The following KCNQ5 variants were observed in gnomAD, a reference collection of about 807,000 sequenced individuals.
KCNQ5 encodes potassium voltage-gated channel subfamily Q member 5.
In KCNQ5, 30 loss-of-function variants were observed where a neutral mutation model predicts 98.2. The observed-to-expected ratio is 0.31, with a 90% confidence interval of 0.23 to 0.41. The LOEUF is 0.41. Among genes scored for constraint, KCNQ5 ranks in the 10% least tolerant of loss-of-function variants. The probability of loss-of-function intolerance (pLI) is 1.00; values close to 1 mark genes in which losing one functional copy is unlikely to be tolerated. For missense variants in KCNQ5, 835 were observed against 1,182.5 expected, an observed-to-expected ratio of 0.71 and a Z score of 4.31; for synonymous variants, 458 against 449.4, an observed-to-expected ratio of 1.02 and a Z score of -0.24.
At chr6:73,182,969 G>A (rs994500575) in intron 11 of KCNQ5, among the ~76,000 whole-genome samples, 3 of 152,132 alleles carry the variant, frequency 2.0e-5, no homozygotes, top group Non-Finnish European at 2.9e-5. Flanking sequence ...ATTAGCCATG[G>A]ACTGATTCCC....
chr6:72,943,013 C>T (rs1329427266), intron 1 of KCNQ5, among the ~76,000 whole-genome samples: 3 of 152,124 alleles, frequency 2.0e-5, no homozygotes, highest in African/African-American at 7.2e-5. Context: ...ATTTTTTTAT[C>T]CTTTTCATGA....
At chr6:72,744,214 G>T (rs957664568) in intron 1 of KCNQ5, among the ~76,000 whole-genome samples, 9 of 152,154 alleles carry the variant, frequency 5.9e-5, no homozygotes, top group African/African-American at 1.7e-4. Context: ...AGGGAGAGGG[G>T]AACAGGCATA....
intron 1 of KCNQ5, among the ~76,000 whole-genome samples, chr6:72,806,155 A>G (rs1774943850): frequency 6.6e-6 from 1 of 152,114 alleles, no homozygotes; most frequent in Non-Finnish European, 1.5e-5. Context: ...ATAGAAACTG[A>G]AGCTTGTGAG....
At chr6:73,105,415 C>A in intron 6 of KCNQ5, 48 bp downstream of exon 6, 1 of 1,139,580 alleles carries the variant, frequency 8.8e-7, no homozygotes, top group Non-Finnish European at 1.3e-6. Context: ...ATCTTAGAGA[C>A]TTATTAGAGT....
At chr6:73,007,058 A>G (rs765138090) in intron 2 of KCNQ5, among the ~76,000 whole-genome samples, 1 of 152,076 alleles carries the variant, frequency 6.6e-6, no homozygotes, top group Non-Finnish European at 1.5e-5. Context: ...GGGCCCCCAT[A>G]AGGACTTTCG....
At chr6:72,696,439 T>C (rs920822764) in intron 1 of KCNQ5, among the ~76,000 whole-genome samples, 2 of 152,218 alleles carry the variant, frequency 1.3e-5, no homozygotes, top group African/African-American at 4.8e-5. Context: ...TTTTACACAA[T>C]CTGTTTCCTT....
intron 3 of KCNQ5, among the ~76,000 whole-genome samples, chr6:73,068,673 A>C (rs1475641534): frequency 6.6e-6 from 1 of 152,338 alleles, no homozygotes; most frequent in Admixed American, 6.5e-5. Context: ...GAGGCACATG[A>C]GCACCACAGC....
intron 1 of KCNQ5, among the ~76,000 whole-genome samples, chr6:72,705,651 TA>T (rs1769040070): frequency 6.6e-6 from 1 of 151,886 alleles, no homozygotes; most frequent in Admixed American, 6.6e-5. Flanking sequence ...TCAAAATTTG[TA>T]AAATGTAATC....
At chr6:73,124,658 AT>A (rs1284918455) in intron 9 of KCNQ5, 146 bp downstream of exon 9, 2 of 750,142 alleles carry the variant, frequency 2.7e-6, no homozygotes, top group Non-Finnish European at 4.6e-6. Context: ...AAAGATTGCT[AT>A]TTTATTGATA....
chr6:72,926,986 A>T (rs1245426215), intron 1 of KCNQ5, among the ~76,000 whole-genome samples: 1 of 152,128 alleles, frequency 6.6e-6, no homozygotes, highest in Non-Finnish European at 1.5e-5. Context: ...TACCATGGTG[A>T]CTTCTCTTCT....
At chr6:73,139,913 T>C (rs1283696086) in intron 10 of KCNQ5, among the ~76,000 whole-genome samples, 1 of 152,106 alleles carries the variant, frequency 6.6e-6, no homozygotes, top group Admixed American at 6.5e-5. Flanking sequence ...CAGTCTCACC[T>C]AAAAATAGCA....
intron 2 of KCNQ5, among the ~76,000 whole-genome samples, chr6:73,014,176 GAAC>G (rs1032720826): frequency 1.2e-4 from 19 of 152,116 alleles, no homozygotes; most frequent in African/African-American, 4.1e-4. Flanking sequence ...ACCTTTTTGA[GAAC>G]AATACTGTCT....
chr6:72,862,066 A>G (rs1242140423), intron 1 of KCNQ5, among the ~76,000 whole-genome samples: 2 of 152,140 alleles, frequency 1.3e-5, no homozygotes, highest in Non-Finnish European at 2.9e-5. Context: ...CTCAGACTCT[A>G]TGTGAACTTT....
intron 1 of KCNQ5, among the ~76,000 whole-genome samples, chr6:72,686,757 A>G (rs1767977685): frequency 7.2e-6 from 1 of 138,292 alleles, no homozygotes; most frequent in South Asian, 2.2e-4. Context: ...TCTTTGATAC[A>G]TCTGGGACTA....
chr6:72,983,675 C>T (rs562298524), intron 1 of KCNQ5, among the ~76,000 whole-genome samples: 1 of 152,294 alleles, frequency 6.6e-6, no homozygotes, highest in East Asian at 1.9e-4. Flanking sequence ...CTACTTCTGC[C>T]AACTTGTCAA....
intron 1 of KCNQ5, among the ~76,000 whole-genome samples, chr6:72,797,103 A>C (rs1313580613): frequency 1.3e-5 from 2 of 152,242 alleles, no homozygotes; most frequent in Non-Finnish European, 2.9e-5. Flanking sequence ...AACATAAATA[A>C]ATTTTTATTT....
chr6:73,111,000 A>G (rs1775222769), intron 6 of KCNQ5, among the ~76,000 whole-genome samples: 1 of 152,184 alleles, frequency 6.6e-6, no homozygotes, highest in South Asian at 2.1e-4. Flanking sequence ...CACACAAAAA[A>G]ATTTTATTGT....
intron 1 of KCNQ5, among the ~76,000 whole-genome samples, chr6:72,724,067 A>G (rs1250335260): frequency 6.6e-6 from 1 of 152,040 alleles, no homozygotes; most frequent in Non-Finnish European, 1.5e-5. Flanking sequence ...TTATCTCTAT[A>G]GATGTTTATA....
intron 1 of KCNQ5, among the ~76,000 whole-genome samples, chr6:72,771,217 C>T (rs1203672582): frequency 2.6e-5 from 4 of 152,004 alleles, no homozygotes; most frequent in African/African-American, 4.8e-5. Flanking sequence ...ACAGTGACAA[C>T]AGCAGGTCTC....
Sources: allele counts gnomAD v4.1 joint callset (sites outside exome capture counted in the v4.1 genomes callset), GRCh38; gene constraint gnomAD v4.1.1; transcripts MANE v1.5; gene names NCBI Gene and HGNC (gene_info 2026-07-23, HGNC 2026-07-21).